PPARGC1A: variants seen among roughly 807,000 people sequenced by gnomAD.
PPARGC1A encodes PPARG coactivator 1 alpha, also known as peroxisome proliferator-activated receptor gamma coactivator 1-alpha.
Under a neutral mutation model 88.7 loss-of-function variants are expected in PPARGC1A, and 25 were observed. The observed-to-expected ratio is 0.28, with a 90% CI of 0.21 to 0.39. The LOEUF is 0.39. Ranked by LOEUF, PPARGC1A falls within the 10% of genes least tolerant of loss-of-function variation. PPARGC1A has a pLI of 1.00. For synonymous variants in PPARGC1A, 363 were observed against 355.6 expected (o/e 1.02, Z -0.24); for missense variants, 880 against 968.7 (o/e 0.91, Z 1.22).
the PPARGC1A span, among the ~76,000 whole-genome samples, chr4:24,118,923 C>G: frequency 6.6e-6 from 1 of 152,218 alleles, no homozygotes; most frequent in East Asian, 1.9e-4. Context: ...AATGTCAATG[C>G]AATCTAAAAA....
In PPARGC1A at chr4:23,814,567, G is replaced by T. The variant is rs779138413; in HGVS notation, c.916C>A (p.Gln306Lys). 19 of 1,607,632 alleles carry T rather than the reference G, an allele frequency of 1.2e-5. No individual in the cohort carries two copies. Among genetic ancestry groups the T allele is most frequent in the African/African-American group, 2.7e-5 (2 of 73,596 alleles). ...PPTTPPHKAN[Q>K]DNPFRASPKL... ...GGAGAAGCCCTAAAAGGGTTATCTT[G>T]GTTGGCTTTATGAGGAGGAGTGGTG... The change falls in exon 8 of 13, where the codon CAA becomes AAA. Residue 306 changes from glutamine (Q) to lysine (K), a missense_variant. Transcript: ENST00000264867.
chr4:24,382,865 C>A, the PPARGC1A span, among the ~76,000 whole-genome samples: 2 of 152,172 alleles, frequency 1.3e-5, no homozygotes, highest in African/African-American at 4.8e-5. Context: ...GCAGATCTCC[C>A]AGCACAGTGC....
At chr4:24,247,001 C>G in the PPARGC1A span, among the ~76,000 whole-genome samples, 4,891 of 152,300 alleles carry the variant, frequency 0.032, 203 homozygotes, top group East Asian at 0.12. Flanking sequence ...CTGGGGAGAT[C>G]TACACTTCCA....
chr4:24,464,158 T>C, the PPARGC1A span, among the ~76,000 whole-genome samples: 17 of 152,324 alleles, frequency 1.1e-4, no homozygotes, highest in Admixed American at 8.5e-4. Context: ...AATTACCAAA[T>C]TGTCAGTGGA....
At chr4:24,252,277 C>T in the PPARGC1A span, among the ~76,000 whole-genome samples, 1 of 152,118 alleles carries the variant, frequency 6.6e-6, no homozygotes, top group African/African-American at 2.4e-5. Flanking sequence ...TGAGCCCCTC[C>T]CCAGATCTAC....
upstream of PPARGC1A, among the ~76,000 whole-genome samples, chr4:23,908,664 T>C (rs1356313737): frequency 6.6e-6 from 1 of 152,188 alleles, no homozygotes; most frequent in Non-Finnish European, 1.5e-5. Flanking sequence ...ACATGAACTC[T>C]GCCTATGAAA....
the PPARGC1A span, among the ~76,000 whole-genome samples, chr4:24,176,606 G>A: frequency 6.6e-6 from 1 of 152,162 alleles, no homozygotes; most frequent in Non-Finnish European, 1.5e-5. Context: ...GAGCCCTGGA[G>A]TGTGAAGAGC....
At chr4:23,922,975 G>T in the PPARGC1A span, among the ~76,000 whole-genome samples, 1 of 152,108 alleles carries the variant, frequency 6.6e-6, no homozygotes, top group South Asian at 2.1e-4. Context: ...GCTAACTATT[G>T]CATTTTCTAG....
At chr4:24,167,378 T>C in the PPARGC1A span, among the ~76,000 whole-genome samples, 1 of 152,244 alleles carries the variant, frequency 6.6e-6, no homozygotes, top group Non-Finnish European at 1.5e-5. Context: ...CTGGTGAAGA[T>C]GTTGTGGACA....
chr4:24,148,870 C>T, the PPARGC1A span, among the ~76,000 whole-genome samples: 1 of 152,200 alleles, frequency 6.6e-6, no homozygotes, highest in African/African-American at 2.4e-5. Context: ...CATTCACAAA[C>T]AGTAGCTGAG....
At chr4:23,833,561 T>C (rs528706858) in intron 2 of PPARGC1A, among the ~76,000 whole-genome samples, 3 of 152,338 alleles carry the variant, frequency 2.0e-5, no homozygotes, top group Admixed American at 2.0e-4. Flanking sequence ...CTCCAGTTAA[T>C]TGACCTGACA....
At chr4:23,908,396 T>C (rs1016546734), upstream of PPARGC1A, among the ~76,000 whole-genome samples, 1 of 152,004 alleles carries the variant, frequency 6.6e-6, no homozygotes, top group African/African-American at 2.4e-5. Flanking sequence ...CTACCCAAAG[T>C]TGAAAATAAG....
the PPARGC1A span, among the ~76,000 whole-genome samples, chr4:23,990,084 A>G: frequency 9.5e-6 from 1 of 105,774 alleles, no homozygotes; most frequent in Non-Finnish European, 1.9e-5. Flanking sequence ...ATTATATATA[A>G]TATATATTAC....
At chr4:24,323,276 A>G in the PPARGC1A span, among the ~76,000 whole-genome samples, 13 of 152,216 alleles carry the variant, frequency 8.5e-5, no homozygotes, top group African/African-American at 3.1e-4. Flanking sequence ...GCTTCTGGGA[A>G]CACTGAATGT....
the PPARGC1A span, among the ~76,000 whole-genome samples, chr4:24,116,486 T>A: frequency 2.7e-3 from 416 of 152,338 alleles, 5 homozygotes; most frequent in East Asian, 0.051. Context: ...AAAGCAATAG[T>A]TGCTATGAAG....
chr4:24,160,372 A>G, the PPARGC1A span, among the ~76,000 whole-genome samples: 1 of 152,210 alleles, frequency 6.6e-6, no homozygotes, highest in African/African-American at 2.4e-5. Context: ...TAAGACCATT[A>G]AAACTATTAA....
At chr4:23,902,905 G>A (rs1307547364), upstream of PPARGC1A, among the ~76,000 whole-genome samples, 3 of 152,146 alleles carry the variant, frequency 2.0e-5, no homozygotes, top group Admixed American at 6.5e-5. Context: ...TAATCTCAAG[G>A]CAGTGCTGGC....
At chr4:24,079,227 G>A in the PPARGC1A span, among the ~76,000 whole-genome samples, 1,282 of 152,010 alleles carry the variant, frequency 8.4e-3, 7 homozygotes, top group Non-Finnish European at 0.014. Flanking sequence ...TTCCAGAAAG[G>A]CAGTAATAAA....
At chr4:23,936,166 A>G in the PPARGC1A span, among the ~76,000 whole-genome samples, 50 of 152,352 alleles carry the variant, frequency 3.3e-4, no homozygotes, top group Non-Finnish European at 5.3e-4. Context: ...TGGCGAATCA[A>G]TACAATAAGT....
Sources: allele counts gnomAD v4.1 joint callset (sites outside exome capture counted in the v4.1 genomes callset), GRCh38; gene constraint gnomAD v4.1.1; transcripts MANE v1.5; gene names NCBI Gene and HGNC (gene_info 2026-07-23, HGNC 2026-07-21).